Variants in MSH3 observed in about 807,000 individuals in gnomAD.
The protein encoded by MSH3 is mutS homolog 3, also known as DNA mismatch repair protein Msh3.
MSH3 carries 106 observed loss-of-function variants against 123.3 expected under a neutral mutation model. That is an observed-to-expected ratio of 0.86 (90% CI 0.73 to 1.01). The LOEUF (loss-of-function observed/expected upper bound fraction) is 1.01. Ranked by LOEUF, MSH3 falls within the 50% of genes least tolerant of loss-of-function variation. The pLI is 0.00. For missense variants in MSH3, 1,459 were observed against 1,347.6 expected (o/e 1.08, Z -1.29); for synonymous variants, 515 against 481.4 (o/e 1.07, Z -0.91).
chr5:80,835,520 G>T (rs752045064), intron 20 of MSH3, among the ~76,000 whole-genome samples: 16 of 152,152 alleles, frequency 1.1e-4, no homozygotes, highest in Non-Finnish European at 2.1e-4. Context: ...ATTAGCACAG[G>T]TTTGGCTTTA....
At chr5:80,764,044 G>A (rs1055956439) in intron 13 of MSH3, among the ~76,000 whole-genome samples, 1 of 152,202 alleles carries the variant, frequency 6.6e-6, no homozygotes, top group Non-Finnish European at 1.5e-5. Flanking sequence ...CCAACTTCAG[G>A]AAAGCTGAAT....
At chr5:80,716,179 T>A (rs1167388453) in intron 8 of MSH3, among the ~76,000 whole-genome samples, 1 of 152,162 alleles carries the variant, frequency 6.6e-6, no homozygotes, top group Non-Finnish European at 1.5e-5. Context: ...TTATATAGAC[T>A]CTATTTCAGA....
chr5:80,802,909 C>CT (rs925883680), intron 19 of MSH3, among the ~76,000 whole-genome samples: 1 of 152,076 alleles, frequency 6.6e-6, no homozygotes, highest in African/African-American at 2.4e-5. Flanking sequence ...GGATCTTATT[C>CT]TTTTTTTATG....
intron 21 of MSH3, among the ~76,000 whole-genome samples, chr5:80,861,029 T>C (rs1450424291): frequency 6.6e-6 from 1 of 152,202 alleles, no homozygotes; most frequent in East Asian, 1.9e-4. Flanking sequence ...TCTTAGAATA[T>C]GCATCTCTGT....
chr5:80,780,907 G>A (rs1037874337), intron 17 of MSH3, among the ~76,000 whole-genome samples: 3 of 151,948 alleles, frequency 2.0e-5, no homozygotes, highest in East Asian at 1.9e-4. Flanking sequence ...ATTCAGTGAC[G>A]TCCTTCAGGG....
At chr5:80,798,207 T>C (rs545928332) in intron 19 of MSH3, among the ~76,000 whole-genome samples, 2 of 152,250 alleles carry the variant, frequency 1.3e-5, no homozygotes, top group East Asian at 3.9e-4. Context: ...CCAGGTGTTT[T>C]ATTGCTGGGG....
intron 17 of MSH3, among the ~76,000 whole-genome samples, chr5:80,783,572 T>G (rs1418530337): frequency 6.6e-6 from 1 of 152,190 alleles, no homozygotes; most frequent in Non-Finnish European, 1.5e-5. Flanking sequence ...TTTGTTGTTT[T>G]AACTGAAATG....
At chr5:80,840,403 C>T (rs1174853462) in intron 20 of MSH3, among the ~76,000 whole-genome samples, 1 of 151,920 alleles carries the variant, frequency 6.6e-6, no homozygotes, top group Non-Finnish European at 1.5e-5. Flanking sequence ...TTCCTTGTAT[C>T]TCATGTTATT....
intron 15 of MSH3, among the ~76,000 whole-genome samples, chr5:80,770,515 C>T (rs1744197901): frequency 6.6e-6 from 1 of 152,002 alleles, no homozygotes; most frequent in Admixed American, 6.6e-5. Context: ...GTGGTAGGTG[C>T]CTACATATAT....
chr5:80,777,150 G>T (rs957744712), intron 16 of MSH3, among the ~76,000 whole-genome samples: 1 of 151,672 alleles, frequency 6.6e-6, no homozygotes, highest in South Asian at 2.1e-4. Context: ...GGCTGGTCTC[G>T]AACTCAAGTG....
intron 3 of MSH3, among the ~76,000 whole-genome samples, chr5:80,666,958 T>C (rs750719361): frequency 2.5e-4 from 38 of 152,210 alleles, no homozygotes; most frequent in Non-Finnish European, 4.7e-4. Flanking sequence ...ATCTGATGAG[T>C]ATTTCTATCC....
chr5:80,856,682 C>T (rs751873757), intron 21 of MSH3, among the ~76,000 whole-genome samples: 2 of 151,844 alleles, frequency 1.3e-5, no homozygotes, highest in African/African-American at 2.4e-5. Flanking sequence ...GCACATGTAC[C>T]CTAAAACTTA....
intron 4 of MSH3, among the ~76,000 whole-genome samples, chr5:80,670,771 T>C (rs1749707682): frequency 6.6e-6 from 1 of 152,006 alleles, no homozygotes; most frequent in Non-Finnish European, 1.5e-5. Flanking sequence ...CCACCAGAAG[T>C]TGTTTGAAGT....
intron 19 of MSH3, among the ~76,000 whole-genome samples, chr5:80,805,720 G>A (rs1320174939): frequency 6.7e-6 from 1 of 149,840 alleles, no homozygotes; most frequent in East Asian, 2.0e-4. Context: ...TCAGCCTCCT[G>A]AGTAGCTGGA....
chr5:80,811,284 G>A (rs1210343700), intron 19 of MSH3, among the ~76,000 whole-genome samples: 3 of 151,958 alleles, frequency 2.0e-5, no homozygotes, highest in African/African-American at 7.2e-5. Context: ...CTGCCCATTT[G>A]TTTCACAAGT....
intron 17 of MSH3, 139 bp from the exon 18 acceptor site, chr5:80,787,426 A>G: frequency 2.7e-6 from 2 of 729,368 alleles, no homozygotes; most frequent in South Asian, 1.4e-5. Context: ...TGTAATCTCC[A>G]TCTCTCTTAA....
intron 8 of MSH3, among the ~76,000 whole-genome samples, chr5:80,708,321 T>G (rs1490738741): frequency 6.6e-6 from 1 of 152,170 alleles, no homozygotes; most frequent in Non-Finnish European, 1.5e-5. Context: ...CATCATGATA[T>G]GAGGCAGGGA....
intron 8 of MSH3, among the ~76,000 whole-genome samples, chr5:80,691,413 A>G (rs1432190629): frequency 6.6e-6 from 1 of 152,004 alleles, no homozygotes; most frequent in African/African-American, 2.4e-5. Context: ...GAAAATTTGG[A>G]AACTTTACTG....
At chr5:80,835,255 C>T (rs1349057094) in intron 20 of MSH3, among the ~76,000 whole-genome samples, 2 of 152,092 alleles carry the variant, frequency 1.3e-5, no homozygotes, top group African/African-American at 4.8e-5. Flanking sequence ...CAGACCATCC[C>T]GTAGGAAAAG....
Sources: gnomAD v4.1 joint callset for allele counts (sites outside exome capture counted in the v4.1 genomes callset) on GRCh38, gnomAD v4.1.1 for gene constraint, MANE v1.5 for transcripts, NCBI Gene and HGNC (gene_info 2026-07-23, HGNC 2026-07-21) for gene names.